Variants in PARD3 observed in about 807,000 individuals in gnomAD.
PARD3 encodes par-3 family cell polarity regulator, also known as partitioning defective 3 homolog.
A neutral mutation model predicts 155.4 loss-of-function variants in PARD3; 75 were observed. That is an observed-to-expected ratio of 0.48 (90% CI 0.40 to 0.58). The LOEUF (loss-of-function observed/expected upper bound fraction) is 0.58. PARD3 is among the 20% of genes least tolerant of loss of function. The pLI is 0.00. For synonymous variants in PARD3, 576 were observed against 610.5 expected, an observed-to-expected ratio of 0.94 and a Z score of 0.83; for missense variants, 1,642 against 1,721.7, an observed-to-expected ratio of 0.95 and a Z score of 0.82.
intron 2 of PARD3, among the ~76,000 whole-genome samples, chr10:34,693,927 G>A (rs2066318610): frequency 6.6e-6 from 1 of 152,092 alleles, no homozygotes; most frequent in African/African-American, 2.4e-5. Context: ...TACTATTCAA[G>A]TCTCTTTATT....
At chr10:34,717,957 C>T (rs1002254008) in intron 1 of PARD3, among the ~76,000 whole-genome samples, 2 of 151,904 alleles carry the variant, frequency 1.3e-5, no homozygotes, top group Non-Finnish European at 2.9e-5. Context: ...AGTTCGAGAC[C>T]ACCCTGGGCA....
chr10:34,424,640 C>T (rs1277307762), intron 5 of PARD3, among the ~76,000 whole-genome samples: 1 of 151,966 alleles, frequency 6.6e-6, no homozygotes, highest in Non-Finnish European at 1.5e-5. Flanking sequence ...TCAGCCTCAG[C>T]AGAGGCTGGG....
intron 2 of PARD3, among the ~76,000 whole-genome samples, chr10:34,638,373 T>C (rs2490812): frequency 0.53 from 80,086 of 152,012 alleles, 24,484 homozygotes; most frequent in African/African-American, 0.86. Flanking sequence ...GATCCAGCCA[T>C]GTGTCAGTAA....
intron 17 of PARD3, chr10:34,336,461 G>A: frequency 2.0e-6 from 1 of 500,946 alleles, no homozygotes; most frequent in Non-Finnish European, 3.5e-6. Context: ...AGACATGTGT[G>A]TTATATGTTA....
Position 34,556,385 on chromosome 10 carries a change from C to CT in PARD3, c.223-39227dup, listed in dbSNP as rs5784421. Reference sequence around the variant, plus strand: ...ACCCTTCCAATTCCTTTTCTTCTTTCTTTTTTTTTTTTTTTGAGACAGAGT... The same window carrying CT: ...ACCCTTCCAATTCCTTTTCTTCTTTCTTTTTTTTTTTTTTTTGAGACAGAGT... On this transcript the variant is annotated intron_variant, in intron 2 of 24. Transcript: ENST00000374788. Among the ~76,000 whole-genome samples the CT allele has an allele frequency of 6.9e-3, 946 of 137,390 alleles. 3 individuals are homozygous for CT. Among genetic ancestry groups the CT allele is most frequent in the Admixed American group, 0.018 (257 of 13,938 alleles). 90.1% of individuals were successfully genotyped at this position (137,390 alleles called of 152,430 possible).
At chr10:34,326,188 A>G (rs1835012613) in intron 19 of PARD3, among the ~76,000 whole-genome samples, 1 of 152,140 alleles carries the variant, frequency 6.6e-6, no homozygotes, top group African/African-American at 2.4e-5. Context: ...TTCAGATGTC[A>G]ATATTCATTG....
intron 2 of PARD3, among the ~76,000 whole-genome samples, chr10:34,642,824 T>TA (rs1439657061): frequency 3.3e-5 from 5 of 152,100 alleles, no homozygotes; most frequent in African/African-American, 1.2e-4. Flanking sequence ...CAGGGCCTCT[T>TA]ACCTGGCTCC....
chr10:34,693,968 T>C (rs1463782325), intron 2 of PARD3, among the ~76,000 whole-genome samples: 1 of 152,152 alleles, frequency 6.6e-6, no homozygotes, highest in African/African-American at 2.4e-5. Context: ...TCTATCTATC[T>C]GAAGAAAGGG....
intron 9 of PARD3, among the ~76,000 whole-genome samples, chr10:34,379,242 T>C (rs1052476273): frequency 6.6e-6 from 1 of 151,924 alleles, no homozygotes; most frequent in African/African-American, 2.4e-5. Context: ...CAAAAAAGGG[T>C]GAATAAAAAT....
chr10:34,242,544 T>C (rs1953675224), intron 22 of PARD3, among the ~76,000 whole-genome samples: 4 of 152,132 alleles, frequency 2.6e-5, no homozygotes, highest in Admixed American at 2.0e-4. Context: ...ATGGCAGAAA[T>C]ATATGATTCT....
intron 1 of PARD3, among the ~76,000 whole-genome samples, chr10:34,785,905 A>T (rs1816810572): frequency 6.6e-6 from 1 of 152,216 alleles, no homozygotes; most frequent in Non-Finnish European, 1.5e-5. Context: ...TCAAAGAAGC[A>T]CTTTGTATGT....
intron 1 of PARD3, among the ~76,000 whole-genome samples, chr10:34,701,404 AG>A (rs1201133483): frequency 1.3e-5 from 2 of 152,008 alleles, no homozygotes; most frequent in Non-Finnish European, 2.9e-5. Flanking sequence ...AAAGACAAAG[AG>A]AACAGAGGGA....
chr10:34,466,345 T>C (rs1390312577), intron 4 of PARD3, among the ~76,000 whole-genome samples: 1 of 152,124 alleles, frequency 6.6e-6, no homozygotes, highest in Non-Finnish European at 1.5e-5. Flanking sequence ...TGACCACTAT[T>C]TCAACAAGGA....
At chr10:34,701,577 C>A (rs890174007) in intron 1 of PARD3, among the ~76,000 whole-genome samples, 21 of 152,064 alleles carry the variant, frequency 1.4e-4, no homozygotes, top group Non-Finnish European at 2.9e-5. Context: ...TGGGGAGAAC[C>A]AAGAATGTCA....
At chr10:34,772,883 G>A (rs1392040401) in intron 1 of PARD3, among the ~76,000 whole-genome samples, 1 of 150,804 alleles carries the variant, frequency 6.6e-6, no homozygotes, top group Non-Finnish European at 1.5e-5. Context: ...AAATACCTTT[G>A]CAAATACAGA....
intron 3 of PARD3, 55 bp from the exon 4 acceptor site, chr10:34,470,318 C>T (rs2078269244): frequency 1.5e-6 from 2 of 1,302,892 alleles, no homozygotes; most frequent in East Asian, 5.1e-5. Context: ...TGGTAAACTA[C>T]ATGTTAGGAG....
intron 2 of PARD3, among the ~76,000 whole-genome samples, chr10:34,611,359 A>C (rs1325839378): frequency 6.6e-6 from 1 of 152,190 alleles, no homozygotes; most frequent in African/African-American, 2.4e-5. Flanking sequence ...TAGCTGACTT[A>C]GTTTACTAAC....
intron 16 of PARD3, among the ~76,000 whole-genome samples, chr10:34,338,018 T>G (rs1836381549): frequency 6.6e-6 from 1 of 152,260 alleles, no homozygotes; most frequent in Admixed American, 6.5e-5. Flanking sequence ...TAAGGCATTG[T>G]GCCAGGTACG....
chr10:34,542,243 A>G (rs368892581), intron 2 of PARD3, among the ~76,000 whole-genome samples: 1 of 75,690 alleles, frequency 1.3e-5, no homozygotes, highest in East Asian at 5.5e-4. Flanking sequence ...GTGTGTGCAC[A>G]CACACACACG....
Sources: gnomAD v4.1 joint callset for allele counts (sites outside exome capture counted in the v4.1 genomes callset) on GRCh38, gnomAD v4.1.1 for gene constraint, MANE v1.5 for transcripts, NCBI Gene and HGNC (gene_info 2026-07-23, HGNC 2026-07-21) for gene names.